Variants in HTR1F observed in about 807,000 individuals in gnomAD.
HTR1F encodes the protein 5-hydroxytryptamine receptor 1F.
HTR1F carries 17 observed loss-of-function variants against 24.0 expected under a neutral mutation model. The observed-to-expected ratio is 0.71, with a 90% CI of 0.48 to 1.06. The LOEUF is 1.06. HTR1F is among the 50% of genes least tolerant of loss of function. The probability of loss-of-function intolerance (pLI) is 0.00; values close to 1 mark genes in which losing one functional copy is unlikely to be tolerated. For missense variants in HTR1F, 391 were observed against 427.8 expected (o/e 0.91, Z 0.76); for synonymous variants, 186 against 156.8 (o/e 1.19, Z -1.39).
At chr3:87,833,018 T>C (rs1466488873) in intron 2 of HTR1F, among the ~76,000 whole-genome samples, 4 of 152,220 alleles carry the variant, frequency 2.6e-5, no homozygotes, top group African/African-American at 9.6e-5. Flanking sequence ...TCTGAGGGTC[T>C]TAACAACACC....
At chr3:87,963,364 G>A (rs1286195859) in intron 2 of HTR1F, among the ~76,000 whole-genome samples, 1 of 152,002 alleles carries the variant, frequency 6.6e-6, no homozygotes, top group Non-Finnish European at 1.5e-5. Context: ...CTATCTCTAG[G>A]AAAGCTTCTT....
At chr3:87,947,085 T>G (rs1205903570) in intron 2 of HTR1F, among the ~76,000 whole-genome samples, 2 of 152,236 alleles carry the variant, frequency 1.3e-5, no homozygotes, top group Non-Finnish European at 2.9e-5. Flanking sequence ...AGTGTGTCTT[T>G]CAATGAGTAT....
chr3:87,919,372 T>A (rs1448599961), intron 2 of HTR1F, among the ~76,000 whole-genome samples: 4 of 152,006 alleles, frequency 2.6e-5, no homozygotes, highest in Non-Finnish European at 5.9e-5. Flanking sequence ...GATAAAATCC[T>A]GGGACTTAAT....
chr3:87,980,386 A>G (rs1705514382), intron 2 of HTR1F, among the ~76,000 whole-genome samples: 1 of 152,160 alleles, frequency 6.6e-6, no homozygotes, highest in Non-Finnish European at 1.5e-5. Flanking sequence ...GGTAGCTCCT[A>G]TCCATGGGCA....
At chr3:87,817,930 A>G (rs1704280303) in intron 1 of HTR1F, among the ~76,000 whole-genome samples, 1 of 152,192 alleles carries the variant, frequency 6.6e-6, no homozygotes, top group Non-Finnish European at 1.5e-5. Context: ...TTTTTCATCA[A>G]AGATGGAATT....
At chr3:87,942,236 G>A (rs1190970555) in intron 2 of HTR1F, among the ~76,000 whole-genome samples, 1 of 152,106 alleles carries the variant, frequency 6.6e-6, no homozygotes, top group African/African-American at 2.4e-5. Context: ...AAAAGCATTT[G>A]AAAAGAGTAA....
At chr3:87,881,651 A>T (rs1222615243) in intron 2 of HTR1F, among the ~76,000 whole-genome samples, 3 of 152,244 alleles carry the variant, frequency 2.0e-5, no homozygotes, top group Admixed American at 1.3e-4. Context: ...AAAACTGGCT[A>T]GCCATATGTA....
intron 2 of HTR1F, among the ~76,000 whole-genome samples, chr3:87,869,985 T>C (rs1222987619): frequency 2.0e-5 from 3 of 152,102 alleles, no homozygotes; most frequent in Non-Finnish European, 4.4e-5. Context: ...CTATCATTAG[T>C]AAACTATAGT....
intron 2 of HTR1F, among the ~76,000 whole-genome samples, chr3:87,922,681 T>C (rs1576034345): frequency 6.6e-6 from 1 of 152,002 alleles, no homozygotes; most frequent in East Asian, 1.9e-4. Flanking sequence ...CTTCAATGCA[T>C]TTTGAGTTAA....
chr3:87,991,984 A>G lies in HTR1F; in HGVS notation c.*134A>G, dbSNP rs899527550. On this transcript the variant is annotated 3_prime_UTR_variant, in exon 3 of 3. Coordinates refer to ENST00000319595, the MANE Select transcript of HTR1F (RefSeq NM_001322209.2). ...TGCTAAATTGATAAGGCTATAATTT[A>G]TATTTTAATAGCAATGTGAATATAA... 1.8e-4 allele frequency: 119 copies of G among 648,540 alleles called. No individual in the cohort carries two copies. Among genetic ancestry groups the G allele is most frequent in the Non-Finnish European group, 3.0e-4 (119 of 398,936 alleles). The allele number at this position is 648,540 out of a possible 1,614,324, so 40.2% of individuals were successfully genotyped here.
chr3:87,846,538 A>C (rs969002953), intron 2 of HTR1F, among the ~76,000 whole-genome samples: 1 of 152,030 alleles, frequency 6.6e-6, no homozygotes, highest in African/African-American at 2.4e-5. Context: ...GGCTCATAAA[A>C]AGACAAAAGA....
intron 2 of HTR1F, among the ~76,000 whole-genome samples, chr3:87,848,799 C>G (rs547692932): frequency 6.6e-6 from 1 of 151,676 alleles, no homozygotes; most frequent in East Asian, 1.9e-4. Flanking sequence ...CACAAGCATT[C>G]TTATACACCA....
At chr3:87,846,580 TAGTC>T (rs2107192430) in intron 2 of HTR1F, among the ~76,000 whole-genome samples, 1 of 152,076 alleles carries the variant, frequency 6.6e-6, no homozygotes, top group South Asian at 2.1e-4. Flanking sequence ...GATAGCAACA[TAGTC>T]AGCATTTCAA....
intron 2 of HTR1F, among the ~76,000 whole-genome samples, chr3:87,907,133 A>G (rs1031114969): frequency 6.6e-6 from 1 of 151,888 alleles, no homozygotes; most frequent in Admixed American, 6.6e-5. Flanking sequence ...TAGTGGTTGT[A>G]CTAGTTTACA....
At chr3:87,875,817 G>A (rs1317673785) in intron 2 of HTR1F, among the ~76,000 whole-genome samples, 5 of 151,288 alleles carry the variant, frequency 3.3e-5, no homozygotes, top group Non-Finnish European at 5.9e-5. Flanking sequence ...CCAGCTACTC[G>A]GGAGGCTGAA....
intron 2 of HTR1F, among the ~76,000 whole-genome samples, chr3:87,837,247 C>T (rs1373059182): frequency 6.6e-6 from 1 of 152,060 alleles, no homozygotes; most frequent in Non-Finnish European, 1.5e-5. Context: ...GAATCAGAAT[C>T]TCACAGTGTC....
chr3:87,937,747 C>A (rs1410871131), intron 2 of HTR1F, among the ~76,000 whole-genome samples: 4 of 151,992 alleles, frequency 2.6e-5, no homozygotes, highest in Non-Finnish European at 5.9e-5. Context: ...CACAGTGAAA[C>A]CCCGTCTCTA....
intron 2 of HTR1F, among the ~76,000 whole-genome samples, chr3:87,927,671 G>A (rs1218663755): frequency 6.6e-6 from 1 of 151,954 alleles, no homozygotes; most frequent in African/African-American, 2.4e-5. Context: ...CTAATCATTT[G>A]TACCACCTCT....
chr3:87,848,214 G>C (rs1704990906), intron 2 of HTR1F, among the ~76,000 whole-genome samples: 1 of 151,824 alleles, frequency 6.6e-6, no homozygotes, highest in Non-Finnish European at 1.5e-5. Flanking sequence ...CATTCGAACT[G>C]GGGTGAGATG....
Sources: gnomAD v4.1 joint callset for allele counts (sites outside exome capture counted in the v4.1 genomes callset) on GRCh38, gnomAD v4.1.1 for gene constraint, MANE v1.5 for transcripts, NCBI Gene and HGNC (gene_info 2026-07-23, HGNC 2026-07-21) for gene names.